TFDP1: variants seen among roughly 807,000 people sequenced by gnomAD.
TFDP1 encodes the protein DRTF1-polypeptide 1.
A neutral mutation model predicts 48.0 loss-of-function variants in TFDP1; 6 were observed. The ratio of observed to expected loss-of-function variants is 0.13; its 90% CI spans 0.07 to 0.25. TFDP1 has a LOEUF of 0.25. TFDP1 is among the 10% of genes least tolerant of loss of function. The probability of loss-of-function intolerance (pLI) is 1.00; values close to 1 mark genes in which losing one functional copy is unlikely to be tolerated. For synonymous variants in TFDP1, 201 were observed against 211.6 expected, an observed-to-expected ratio of 0.95 and a Z score of 0.44; for missense variants, 335 against 543.0, an observed-to-expected ratio of 0.62 and a Z score of 3.81.
chr13:113,596,015 G>A (rs2048281825), intron 2 of TFDP1, among the ~76,000 whole-genome samples: 1 of 152,204 alleles, frequency 6.6e-6, no homozygotes, highest in Non-Finnish European at 1.5e-5. Context: ...CCAGGAGGCG[G>A]AGCTTGCAGT....
At chr13:113,618,895 G>A (rs994026893) in intron 3 of TFDP1, among the ~76,000 whole-genome samples, 7 of 152,220 alleles carry the variant, frequency 4.6e-5, no homozygotes, top group Non-Finnish European at 7.3e-5. Context: ...TATAATATTT[G>A]TCTGTGTTTC....
At chr13:113,638,009 CG>C (rs1213808734) in intron 11 of TFDP1, 113 bp downstream of exon 11, 39 of 1,405,136 alleles carry the variant, frequency 2.8e-5, no homozygotes, top group Non-Finnish European at 2.8e-5. Context: ...GCTGCTCTGA[CG>C]TGGCTTGTCT....
At chr13:113,629,828 C>T (rs950836744) in intron 4 of TFDP1, among the ~76,000 whole-genome samples, 1 of 152,216 alleles carries the variant, frequency 6.6e-6, no homozygotes, top group Non-Finnish European at 1.5e-5. Flanking sequence ...GACAGCGGCA[C>T]GGTGACGGCA....
At chr13:113,611,819 G>A (rs1391693735) in intron 3 of TFDP1, among the ~76,000 whole-genome samples, 3 of 152,136 alleles carry the variant, frequency 2.0e-5, no homozygotes, top group East Asian at 1.9e-4. Context: ...GGTTTGTTGC[G>A]ATATTCCTGG....
chr13:113,631,005 C>T (rs1415253307), intron 4 of TFDP1, among the ~76,000 whole-genome samples: 2 of 152,198 alleles, frequency 1.3e-5, no homozygotes, highest in Non-Finnish European at 2.9e-5. Context: ...TGCCTGACGC[C>T]GTTGTGGGTG....
chr13:113,640,444 T>C lies in TFDP1; in HGVS notation c.*177T>C. On this transcript the variant is annotated 3_prime_UTR_variant, in exon 12 of 12. Transcript: ENST00000375370. ...TGTTTCCCGTAGGATTAGGACGTGCTGTGGATGTGTGTTTTGATACCAGTG... is the reference window on the plus strand; with the variant it reads ...TGTTTCCCGTAGGATTAGGACGTGCCGTGGATGTGTGTTTTGATACCAGTG... 1 of 1,010,412 alleles carries C rather than the reference T, an allele frequency of 9.9e-7. No homozygotes were observed. 62.6% of individuals were successfully genotyped at this position (1,010,412 alleles called of 1,614,324 possible). A position where few individuals can be genotyped will look rare whatever the true frequency, so the allele number is the denominator to read the frequency against.
chr13:113,625,126 GTC>G (rs1370360630), intron 4 of TFDP1, among the ~76,000 whole-genome samples: 1 of 114,614 alleles, frequency 8.7e-6, no homozygotes. Context: ...GTCCTCAGGT[GTC>G]TCTCAGGTGT....
chr13:113,626,671 G>A (rs1019388588), intron 4 of TFDP1, among the ~76,000 whole-genome samples: 4 of 152,150 alleles, frequency 2.6e-5, no homozygotes, highest in South Asian at 4.1e-4. Context: ...TGAAAGTAGC[G>A]GTTTGTGGAA....
rs1027493087 is a variant in TFDP1, at chr13:113,627,705, A to T, written c.187-3918A>T. On this transcript the variant is annotated intron_variant, in intron 4 of 11. Coordinates refer to ENST00000375370, the MANE Select transcript of TFDP1 (RefSeq NM_007111.5). The surrounding 1 kb of genome is among the most constrained non-coding windows in gnomAD (Gnocchi z 4.1). ...GCCCTGCCTCCTGTCAGATCCCAGCATTAGGTTCTCAGGAGCGCAAACCCC... is the reference window on the plus strand; with the variant it reads ...GCCCTGCCTCCTGTCAGATCCCAGCTTTAGGTTCTCAGGAGCGCAAACCCC... 2.0e-5 allele frequency among the ~76,000 whole-genome samples: 3 copies of T among 146,982 alleles called. No homozygotes were observed. The highest frequency in any genetic ancestry group is 4.4e-5 in the Non-Finnish European group (3 of 68,008).
chr13:113,593,210 C>T (rs1362748480), intron 2 of TFDP1, among the ~76,000 whole-genome samples: 1 of 138,408 alleles, frequency 7.2e-6, no homozygotes, highest in African/African-American at 2.8e-5. Context: ...TGATCCTCAG[C>T]CCTGTCCAGG....
chr13:113,634,082 A>G (rs762964087), intron 7 of TFDP1, 49 bp downstream of exon 7: 40 of 1,613,374 alleles, frequency 2.5e-5, no homozygotes, highest in Admixed American at 1.5e-4. Context: ...AAGTCCGTGT[A>G]GATGTTTTAG....
At chr13:113,611,541 T>C (rs868394304) in intron 3 of TFDP1, among the ~76,000 whole-genome samples, 14 of 152,214 alleles carry the variant, frequency 9.2e-5, no homozygotes, top group African/African-American at 3.4e-4. Flanking sequence ...TTTCTTGTCT[T>C]GGGGAATCCA....
Position 113,640,452 on chromosome 13 carries a change from T to G in TFDP1, c.*185T>G, listed in dbSNP as rs2049615531. The G allele has an allele frequency of 1.2e-5, 11 of 886,124 alleles. No homozygotes were observed. The highest frequency in any genetic ancestry group is 1.8e-5 in the Non-Finnish European group (11 of 619,140). The allele number at this position is 886,124 out of a possible 1,614,324, so 54.9% of individuals were successfully genotyped here. On this transcript the variant is annotated 3_prime_UTR_variant, in exon 12 of 12. Coordinates refer to ENST00000375370, the MANE Select transcript of TFDP1 (RefSeq NM_007111.5). Reference sequence around the variant, plus strand: ...GTAGGATTAGGACGTGCTGTGGATGTGTGTTTTGATACCAGTGTGCTGATG... The same window carrying G: ...GTAGGATTAGGACGTGCTGTGGATGGGTGTTTTGATACCAGTGTGCTGATG...
intron 2 of TFDP1, among the ~76,000 whole-genome samples, chr13:113,606,885 C>CA (rs202073901): frequency 0.014 from 2,059 of 152,270 alleles, 47 homozygotes; most frequent in African/African-American, 0.047. Flanking sequence ...AAGGAACCCA[C>CA]CGTGTGGTTT....
At chr13:113,587,706 C>T (rs369939605) in intron 2 of TFDP1, among the ~76,000 whole-genome samples, 10 of 151,642 alleles carry the variant, frequency 6.6e-5, no homozygotes, top group African/African-American at 9.7e-5. Context: ...AGGCTGGGCT[C>T]GAGCTCCTGA....
chr13:113,585,162 C>G (rs1424995102), intron 1 of TFDP1: 1 of 147,620 alleles, frequency 6.8e-6, no homozygotes, highest in Non-Finnish European at 1.5e-5. Flanking sequence ...GGGGCCGGGG[C>G]CGGGGCCGGG....
intron 11 of TFDP1, 130 bp downstream of exon 11, chr13:113,638,026 G>C (rs1296292628): frequency 1.6e-6 from 2 of 1,256,020 alleles, no homozygotes; most frequent in Non-Finnish European, 2.2e-6. Flanking sequence ...TGTCTGTCCA[G>C]GCAGTGGGGC....
chr13:113,631,934 C>T (rs551292963), intron 5 of TFDP1, 190 bp downstream of exon 5: 77 of 754,264 alleles, frequency 1.0e-4, no homozygotes, highest in Admixed American at 1.4e-4. Flanking sequence ...CTGCCTCGGT[C>T]ATGGAGAAGT....
chr13:113,605,891 G>A (rs2048553122), intron 2 of TFDP1, among the ~76,000 whole-genome samples: 1 of 139,952 alleles, frequency 7.1e-6, no homozygotes. Context: ...GCGGTGATGA[G>A]TGTCCAAGGC....
Sources: allele counts gnomAD v4.1 joint callset (sites outside exome capture counted in the v4.1 genomes callset), GRCh38; gene constraint gnomAD v4.1.1; non-coding constraint Gnocchi (gnomAD v3.1); transcripts MANE v1.5; gene names NCBI Gene and HGNC (gene_info 2026-07-23, HGNC 2026-07-21).